The following IQCM variants were observed in gnomAD, a reference collection of about 807,000 sequenced individuals.
The protein encoded by IQCM is IQ domain-containing protein M.
In IQCM, 45 loss-of-function variants were observed where a neutral mutation model predicts 57.6. That is an observed-to-expected ratio of 0.78 (90% CI 0.62 to 1.00). The LOEUF is 1.00. Ranked by LOEUF, IQCM falls within the 50% of genes least tolerant of loss-of-function variation. The probability of loss-of-function intolerance (pLI) is 0.00; values close to 1 mark genes in which losing one functional copy is unlikely to be tolerated. For missense variants in IQCM, 468 were observed against 511.6 expected, an observed-to-expected ratio of 0.91 and a Z score of 0.82; for synonymous variants, 148 against 158.9, an observed-to-expected ratio of 0.93 and a Z score of 0.51.
At chr4:149,535,126 A>C (rs974262169) in intron 12 of IQCM, among the ~76,000 whole-genome samples, 55 of 152,072 alleles carry the variant, frequency 3.6e-4, no homozygotes, top group African/African-American at 1.3e-3. Context: ...ACTACAAAAC[A>C]TTATGACAGT....
intron 12 of IQCM, among the ~76,000 whole-genome samples, chr4:149,448,089 G>A (rs1312072106): frequency 6.6e-6 from 1 of 151,594 alleles, no homozygotes; most frequent in Non-Finnish European, 1.5e-5. Flanking sequence ...CTCGTCAATT[G>A]TACACAGAAC....
intron 8 of IQCM, among the ~76,000 whole-genome samples, chr4:149,590,558 C>T (rs1236836507): frequency 6.6e-6 from 1 of 151,866 alleles, no homozygotes; most frequent in Admixed American, 6.6e-5. Flanking sequence ...CCCATCAATC[C>T]ATCATCTGCA....
At chr4:149,692,378 T>A (rs961668500) in intron 5 of IQCM, among the ~76,000 whole-genome samples, 3 of 152,152 alleles carry the variant, frequency 2.0e-5, no homozygotes, top group African/African-American at 7.2e-5. Context: ...TGGAAGGAAG[T>A]GGAAAATGTA....
chr4:149,571,873 A>G (rs1751195809), intron 9 of IQCM, among the ~76,000 whole-genome samples: 1 of 152,104 alleles, frequency 6.6e-6, no homozygotes. Context: ...TAGGGATGAG[A>G]AAGCAAACAA....
intron 8 of IQCM, among the ~76,000 whole-genome samples, chr4:149,599,014 A>G (rs1019357922): frequency 6.6e-6 from 1 of 152,258 alleles, no homozygotes; most frequent in South Asian, 2.1e-4. Flanking sequence ...ATATATATAT[A>G]TAATATGACA....
chr4:149,554,851 C>T (rs1359035348), intron 10 of IQCM, among the ~76,000 whole-genome samples: 2 of 151,570 alleles, frequency 1.3e-5, no homozygotes, highest in South Asian at 2.1e-4. Flanking sequence ...AGGCGCCCCC[C>T]ACCACGCCCG....
At chr4:149,794,529 T>C (rs1772938060) in intron 2 of IQCM, among the ~76,000 whole-genome samples, 1 of 152,204 alleles carries the variant, frequency 6.6e-6, no homozygotes, top group African/African-American at 2.4e-5. Flanking sequence ...CAGCGAGTTA[T>C]GTTACTCAAC....
At chr4:149,725,722 T>C (rs1765830716) in intron 5 of IQCM, among the ~76,000 whole-genome samples, 1 of 152,098 alleles carries the variant, frequency 6.6e-6, no homozygotes. Flanking sequence ...TACTCACATA[T>C]TCTAAGTGAC....
At chr4:149,406,035 C>A (rs1197639472) in intron 13 of IQCM, among the ~76,000 whole-genome samples, 1 of 151,466 alleles carries the variant, frequency 6.6e-6, no homozygotes, top group Non-Finnish European at 1.5e-5. Flanking sequence ...TTTTTATGAA[C>A]TTTGGCCCTT....
chr4:149,480,442 C>G (rs1414969301), intron 12 of IQCM, among the ~76,000 whole-genome samples: 1 of 152,090 alleles, frequency 6.6e-6, no homozygotes, highest in East Asian at 1.9e-4. Context: ...TAGTAACCAG[C>G]CTTCTATTCT....
chr4:149,397,021 T>C (rs752648830), intron 13 of IQCM, among the ~76,000 whole-genome samples: 14 of 152,026 alleles, frequency 9.2e-5, no homozygotes. Context: ...AATGCTCATA[T>C]CTTGGAGACA....
intron 12 of IQCM, among the ~76,000 whole-genome samples, chr4:149,507,939 G>C (rs1253675755): frequency 6.6e-6 from 1 of 151,966 alleles, no homozygotes; most frequent in African/African-American, 2.4e-5. Flanking sequence ...GTGCAGTCTA[G>C]GGACTTGGTG....
chr4:149,373,332 AGTGT>A (rs1444603270), intron 13 of IQCM, among the ~76,000 whole-genome samples: 29 of 152,282 alleles, frequency 1.9e-4, no homozygotes, highest in African/African-American at 6.3e-4. Context: ...AAACCTAAGT[AGTGT>A]AAGTGGGGTG....
chr4:149,790,193 G>T, intron 2 of IQCM: 2 of 391,866 alleles, frequency 5.1e-6, no homozygotes, highest in South Asian at 5.8e-5. Context: ...GGAAGAACAT[G>T]AAGAATATTG....
intron 13 of IQCM, among the ~76,000 whole-genome samples, chr4:149,352,503 T>G (rs1728648156): frequency 6.6e-6 from 1 of 152,202 alleles, no homozygotes; most frequent in Admixed American, 6.5e-5. Flanking sequence ...AGGTATTACG[T>G]GTAAACTAGA....
At chr4:149,804,301 A>C (rs1773879856) in intron 2 of IQCM, among the ~76,000 whole-genome samples, 1 of 151,972 alleles carries the variant, frequency 6.6e-6, no homozygotes, top group Non-Finnish European at 1.5e-5. Context: ...AAAATTTACA[A>C]AGTATGGGGG....
intron 2 of IQCM, among the ~76,000 whole-genome samples, chr4:149,790,901 G>GTGTA (rs1344626399): frequency 3.3e-5 from 5 of 151,594 alleles, no homozygotes. Context: ...TTTTTTTCCA[G>GTGTA]TGTATCATTG....
chr4:149,398,341 T>A (rs528793694), intron 13 of IQCM, among the ~76,000 whole-genome samples: 4 of 152,076 alleles, frequency 2.6e-5, no homozygotes, highest in Admixed American at 2.0e-4. Flanking sequence ...GATTGTTTAT[T>A]TGTGGTCTTT....
chr4:149,744,316 T>C (rs1173794751), intron 2 of IQCM, among the ~76,000 whole-genome samples: 1 of 152,210 alleles, frequency 6.6e-6, no homozygotes, highest in Admixed American at 6.5e-5. Flanking sequence ...CCCTCAGCAA[T>C]TAACAATCAG....
Sources: allele counts gnomAD v4.1 joint callset (sites outside exome capture counted in the v4.1 genomes callset), GRCh38; gene constraint gnomAD v4.1.1; transcripts MANE v1.5; gene names NCBI Gene and HGNC (gene_info 2026-07-23, HGNC 2026-07-21).